TTLL10: variants seen among roughly 807,000 people sequenced by gnomAD.
TTLL10 encodes the protein tubulin tyrosine ligase like 10.
TTLL10 carries 61 observed loss-of-function variants against 69.0 expected under a neutral mutation model. The observed-to-expected ratio is 0.88, with a 90% CI of 0.72 to 1.09. TTLL10 has a LOEUF of 1.09. Ranked by LOEUF, TTLL10 falls within the 50% of genes least tolerant of loss-of-function variation. The pLI, the probability that TTLL10 is intolerant of heterozygous loss-of-function variation, is 0.00. For synonymous variants in TTLL10, 408 were observed against 393.3 expected, an observed-to-expected ratio of 1.04 and a Z score of -0.44; for missense variants, 962 against 945.9, an observed-to-expected ratio of 1.02 and a Z score of -0.22.
chr1:1,192,481 G>A (rs372930393), intron 13 of TTLL10, among the ~76,000 whole-genome samples: 91 of 149,182 alleles, frequency 6.1e-4, no homozygotes, highest in African/African-American at 1.9e-3. Flanking sequence ...ACTCCAGTTC[G>A]TATCAGTGTA....
chr1:1,197,086 G>C lies in TTLL10; in HGVS notation c.1519-7G>C. On this transcript the variant is annotated splice_polypyrimidine_tract_variant and splice_region_variant and intron_variant, in intron 14 of 15. Transcript: ENST00000379289. ...GGTGAGGAGGGACTGACTGGCGTCT[G>C]GGGCAGGTATGGCTGCTGGAGATGA... 1 of 1,551,088 alleles carries C rather than the reference G, an allele frequency of 6.4e-7. No individual in the cohort carries two copies. The highest frequency in any genetic ancestry group is 1.4e-5 in the African/African-American group (1 of 73,106).
chr1:1,185,914 C>A lies in TTLL10; in HGVS notation c.1401+805C>A. The A allele has an allele frequency of 1.2e-6, 1 of 816,728 alleles. No homozygotes were observed. The highest frequency in any genetic ancestry group is 1.5e-6 in the Non-Finnish European group (1 of 676,040). 50.6% of individuals were successfully genotyped at this position (816,728 alleles called of 1,614,324 possible). On this transcript the variant is annotated intron_variant, in intron 13 of 15. Transcript: ENST00000379289. The surrounding 1 kb of genome is among the most constrained non-coding windows in gnomAD (Gnocchi z 6.1). ...ATTTCAAAAGTTGTGCAATTATCAC[C>A]ACCAATTCCAGAACATTTCATCACC...
chr1:1,182,549 G>A, intron 10 of TTLL10, 103 bp downstream of exon 10: 1 of 1,239,678 alleles, frequency 8.1e-7, no homozygotes, highest in Non-Finnish European at 1.2e-6. Flanking sequence ...TGGAGGGGCT[G>A]CGTGGGGCTG....
At chr1:1,179,603 G>A (rs1312769376) in intron 4 of TTLL10, 54 bp from the exon 5 acceptor site, 1 of 1,549,166 alleles carries the variant, frequency 6.5e-7, no homozygotes, top group Non-Finnish European at 8.7e-7. Flanking sequence ...CCTGACAATG[G>A]CCCCTTGGGT....
At chr1:1,195,856 G>T (rs12062042) in intron 13 of TTLL10, among the ~76,000 whole-genome samples, 9,931 of 142,290 alleles carry the variant, frequency 0.07, 317 homozygotes, top group East Asian at 0.1. Flanking sequence ...TGCCCAGGCT[G>T]ATCTCAGACT....
At chr1:1,197,317 G>C in intron 15 of TTLL10, 121 bp from the exon 16 acceptor site, 1 of 1,284,328 alleles carries the variant, frequency 7.8e-7, no homozygotes, top group Non-Finnish European at 1.1e-6. Flanking sequence ...TGGCAGCGCC[G>C]CCCCCTGCCC....
chr1:1,192,776 CAGTGTAGACACTCCAGTTGGTATG>C (rs1263399203), intron 13 of TTLL10, among the ~76,000 whole-genome samples: 14,215 of 112,138 alleles, frequency 0.13, 2,024 homozygotes, highest in East Asian at 0.56. Flanking sequence ...TTGTTCATAT[CAGTGTAGACACTCCAGTTGGTATG>C]AGTGTAGACA....
intron 13 of TTLL10, among the ~76,000 whole-genome samples, chr1:1,191,609 C>T (rs1052892816): frequency 5.3e-5 from 8 of 152,164 alleles, no homozygotes; most frequent in Non-Finnish European, 7.3e-5. Context: ...GAGACCAGCT[C>T]GGTCGGGGAG....
At chr1:1,189,969 G>A (rs1302930303) in intron 13 of TTLL10, among the ~76,000 whole-genome samples, 12 of 151,962 alleles carry the variant, frequency 7.9e-5, no homozygotes, top group Admixed American at 7.9e-4. Context: ...AAAATTAGCT[G>A]GGCGTGGTGG....
chr1:1,185,433 A>T lies in TTLL10; in HGVS notation c.1401+324A>T. On this transcript the variant is annotated intron_variant, in intron 13 of 15. Coordinates refer to ENST00000379289, the MANE Select transcript of TTLL10 (RefSeq NM_001130045.2). The surrounding 1 kb of genome is among the most constrained non-coding windows in gnomAD (Gnocchi z 6.1). The stretch of plus-strand genomic sequence containing the variant: ...TGTGAAGAGTCTTTGTTCCTTTCAG[A>T]TCCTCCACTTGGCAGGCAGGGCCAA... 8.7e-7 allele frequency: 1 copy of T among 1,143,280 alleles called. No homozygotes were observed. The highest frequency in any genetic ancestry group is 1.1e-6 in the Non-Finnish European group (1 of 930,258). 70.8% of individuals were successfully genotyped at this position (1,143,280 alleles called of 1,614,324 possible).
chr1:1,179,317 T>C lies in TTLL10; in HGVS notation c.102T>C (p.Pro34=). ...RGKRPRIQQR[P]RARVSGTIPA... ...AGAGGCCAAGGATCCAGCAGAGGCCTCGGGCTCGAGTCTCAGGTGAATAGA... is the reference window on the plus strand; with the variant it reads ...AGAGGCCAAGGATCCAGCAGAGGCCCCGGGCTCGAGTCTCAGGTGAATAGA... The change falls in exon 4 of 16, where the codon CCT becomes CCC. Residue 34 remains proline, a synonymous_variant. Transcript: ENST00000379289. The C allele has an allele frequency of 2.6e-6, 4 of 1,551,236 alleles. No individual in the cohort carries two copies. The highest frequency in any genetic ancestry group is 3.5e-6 in the Non-Finnish European group (4 of 1,146,862).
chr1:1,182,764 G>T, intron 10 of TTLL10, 112 bp from the exon 11 acceptor site: 1 of 1,405,658 alleles, frequency 7.1e-7, no homozygotes, highest in Non-Finnish European at 9.5e-7. Context: ...GGCCAAGGTT[G>T]GAATGGCCGG....
In TTLL10 at chr1:1,196,607, T is replaced by C; in HGVS notation, c.1409T>C (p.Met470Thr). Residue 470 changes from methionine to threonine, a missense_variant, in exon 14 of 16, where the codon ATG (methionine) becomes ACG (threonine). Met to Thr is a moderately conservative substitution (Grantham distance 81). Coordinates refer to ENST00000379289, the MANE Select transcript of TTLL10 (RefSeq NM_001130045.2). Reference sequence around the variant, plus strand: ...CTCCCTGCCTCCCTGCAGAAGCGGATGCAGCAGATCATGGCCCACTGCTTT... The same window carrying C: ...CTCCCTGCCTCCCTGCAGAAGCGGACGCAGCAGATCATGGCCCACTGCTTT... ...DWVFTTLKKR[M>T]QQIMAHCFLA... The C allele has an allele frequency of 3.2e-6, 5 of 1,551,312 alleles. No homozygotes were observed. The highest frequency in any genetic ancestry group is 4.4e-6 in the Non-Finnish European group (5 of 1,146,638).
Position 1,185,291 on chromosome 1 carries a change from C to G in TTLL10, c.1401+182C>G. On this transcript the variant is annotated intron_variant, in intron 13 of 15. Coordinates refer to ENST00000379289, the MANE Select transcript of TTLL10 (RefSeq NM_001130045.2). This position sits in a 1 kb window ranked among gnomAD's most constrained non-coding sequence, Gnocchi z 6.1. ...TGCTCACTTAGCTGGCAGTGCCTGT[C>G]CCCAGCAGCCAGCAAAGGCCCGGAC... 1 of 1,409,068 alleles carries G rather than the reference C, an allele frequency of 7.1e-7. No homozygotes were observed. Among genetic ancestry groups the G allele is most frequent in the Non-Finnish European group, 9.2e-7 (1 of 1,085,208 alleles). 87.3% of individuals were successfully genotyped at this position (1,409,068 alleles called of 1,614,324 possible). A position where few individuals can be genotyped will look rare whatever the true frequency, so the allele number is the denominator to read the frequency against.
chr1:1,189,733 T>C (rs997526586), intron 13 of TTLL10, among the ~76,000 whole-genome samples: 2 of 152,200 alleles, frequency 1.3e-5, no homozygotes, highest in African/African-American at 4.8e-5. Context: ...AAGTTTATTA[T>C]TATTATTACT....
Position 1,179,268 on chromosome 1 carries a change from C to T in TTLL10, c.53C>T (p.Thr18Ile), listed in dbSNP as rs1050079403. 5.8e-6 allele frequency: 9 copies of T among 1,550,790 alleles called. No individual in the cohort carries two copies. The highest frequency in any genetic ancestry group is 7.0e-6 in the Non-Finnish European group (8 of 1,146,728). The change falls in exon 4 of 16, where the codon ACC (threonine) becomes ATC (isoleucine). Residue 18 changes from threonine (T) to isoleucine (I), a missense_variant. Physicochemically the swap from Thr to Ile is moderately conservative, Grantham distance 89. Coordinates refer to ENST00000379289, the MANE Select transcript of TTLL10 (RefSeq NM_001130045.2). ...FIHRRGPPTRTRAGFKRGKRP... is the reference protein window; with the variant it reads ...FIHRRGPPTRIRAGFKRGKRP... ...CACCGCCGGGGACCACCCACTCGGA[C>T]CCGAGCCGGCTTCAAGAGGGGCAAG...
At chr1:1,194,197 TTAA>T (rs1648037232) in intron 13 of TTLL10, among the ~76,000 whole-genome samples, 2 of 152,178 alleles carry the variant, frequency 1.3e-5, no homozygotes, top group African/African-American at 4.8e-5. Context: ...CAGTTTTTTA[TTAA>T]TACCAAGTTA....
intron 3 of TTLL10, 63 bp from the exon 4 acceptor site, chr1:1,179,126 G>A (rs1646959663): frequency 8.6e-7 from 1 of 1,157,896 alleles, no homozygotes; most frequent in Non-Finnish European, 1.2e-6. Context: ...CTCCATCCAA[G>A]CACTGGGGCC....
chr1:1,180,040 C>A lies in TTLL10; in HGVS notation c.206C>A (p.Ala69Asp). 1 of 1,547,608 alleles carries A rather than the reference C, an allele frequency of 6.5e-7. No homozygotes were observed. ...GACCCCACCCCGTTCACAGGCCCGG[C>A]CCACGAGAGGCCAATGGGGAGCAGC... ...PAPGHCPVGPAHERPMGSSQE... is the reference protein window; with the variant it reads ...PAPGHCPVGPDHERPMGSSQE... The change falls in exon 6 of 16, where the codon GCC becomes GAC. Residue 69 changes from alanine to aspartate, a missense_variant. Ala to Asp is a moderately radical substitution (Grantham distance 126). Coordinates refer to ENST00000379289, the MANE Select transcript of TTLL10 (RefSeq NM_001130045.2).
Sources: allele counts gnomAD v4.1 joint callset (sites outside exome capture counted in the v4.1 genomes callset), GRCh38; gene constraint gnomAD v4.1.1; non-coding constraint Gnocchi (gnomAD v3.1); transcripts MANE v1.5; gene names NCBI Gene and HGNC (gene_info 2026-07-23, HGNC 2026-07-21).